The following IQCH variants were observed in gnomAD, a reference collection of about 807,000 sequenced individuals.
IQCH encodes IQ motif containing H.
In IQCH, 98 loss-of-function variants were observed where a neutral mutation model predicts 117.0. That is an observed-to-expected ratio of 0.84 (90% CI 0.71 to 0.99). The LOEUF (loss-of-function observed/expected upper bound fraction) is 0.99. IQCH is among the 50% of genes least tolerant of loss of function. The probability of loss-of-function intolerance (pLI) is 0.00; values close to 1 mark genes in which losing one functional copy is unlikely to be tolerated. For synonymous variants in IQCH, 412 were observed against 448.2 expected, an observed-to-expected ratio of 0.92 and a Z score of 1.02; for missense variants, 1,102 against 1,243.8, an observed-to-expected ratio of 0.89 and a Z score of 1.72.
At chr15:67,358,110 C>T (rs1415517470) in intron 7 of IQCH, among the ~76,000 whole-genome samples, 1 of 148,252 alleles carries the variant, frequency 6.7e-6, no homozygotes, top group Admixed American at 6.7e-5. Context: ...CCACCTGCCT[C>T]GGCCTCCCAA....
rs1970494766 is a variant in IQCH at position 67,370,664 on chromosome 15, C to T, written c.754-1447C>T. On this transcript the variant is annotated intron_variant, in intron 8 of 20. Coordinates refer to ENST00000335894, the MANE Select transcript of IQCH (RefSeq NM_001031715.3). This position sits in a 1 kb window ranked among gnomAD's most constrained non-coding sequence, Gnocchi z 5.6. ...AGTAGCTTGCATTCTCTTCTGGCAC[C>T]CTGATTAGATCAGAAAGGGATAGAA... Among the ~76,000 whole-genome samples the T allele has an allele frequency of 6.6e-6, 1 of 152,146 alleles. No homozygotes were observed. Among genetic ancestry groups the T allele is most frequent in the South Asian group, 2.1e-4 (1 of 4,818 alleles).
At chr15:67,487,433 C>CAT (rs935249495) in intron 18 of IQCH, among the ~76,000 whole-genome samples, 2 of 150,564 alleles carry the variant, frequency 1.3e-5, no homozygotes, top group Non-Finnish European at 3.0e-5. Flanking sequence ...AAGGAAAACA[C>CAT]ACACACACAC....
rs770562893 is a variant in IQCH, at chr15:67,494,313, A to G, written c.2917A>G (p.Ile973Val). ...CATGACCTTTGCTCGCCATCTCTTC[A>G]TCATCCATCAAGAAATATCAGCACC... ...VLMTFARHLF[I>V]IHQEISAPNM... The change falls in exon 20 of 21, where the codon ATC becomes GTC. Residue 973 changes from isoleucine to valine, a missense_variant. By Grantham distance (29) the Ile-to-Val change is conservative (BLOSUM62 3). Around this residue, in one of 2 missense-constraint regions of IQCH, gnomAD observed 650 missense variants for 794.3 expected, o/e 0.82. Coordinates refer to ENST00000335894, the MANE Select transcript of IQCH (RefSeq NM_001031715.3). This position sits in a 1 kb window ranked among gnomAD's most constrained non-coding sequence, Gnocchi z 5.5. 5.3e-5 allele frequency: 85 copies of G among 1,613,564 alleles called. No individual in the cohort carries two copies. Among genetic ancestry groups the G allele is most frequent in the Non-Finnish European group, 7.1e-5 (84 of 1,179,926 alleles).
chr15:67,272,116 C>A (rs1965922554), intron 3 of IQCH, among the ~76,000 whole-genome samples: 1 of 151,910 alleles, frequency 6.6e-6, no homozygotes, highest in South Asian at 2.1e-4. Flanking sequence ...TGTTGTATTT[C>A]CATTTTCATT....
At chr15:67,272,860 AT>A (rs1353297388) in intron 3 of IQCH, among the ~76,000 whole-genome samples, 1 of 152,024 alleles carries the variant, frequency 6.6e-6, no homozygotes, top group East Asian at 1.9e-4. Flanking sequence ...TGTTTCTTTT[AT>A]CCATTCAGCC....
At chr15:67,374,906 T>C (rs1279870926) in intron 10 of IQCH, among the ~76,000 whole-genome samples, 1 of 152,192 alleles carries the variant, frequency 6.6e-6, no homozygotes, top group African/African-American at 2.4e-5. Context: ...TGATATTATA[T>C]GGGAAATTTT....
rs1373424266 is a variant in IQCH, at chr15:67,370,107, G to A, written c.754-2004G>A. On this transcript the variant is annotated intron_variant, in intron 8 of 20. Transcript: ENST00000335894. This position sits in a 1 kb window ranked among gnomAD's most constrained non-coding sequence, Gnocchi z 5.6. ...GTCTAAAATACATTTGCTGATGTAC[G>A]TAAAAACCCTAGACCCACCCCATGG... Among the ~76,000 whole-genome samples, 1 of 152,162 alleles carries A rather than the reference G, an allele frequency of 6.6e-6. No individual in the cohort carries two copies. Among genetic ancestry groups the A allele is most frequent in the Non-Finnish European group, 1.5e-5 (1 of 68,034 alleles).
intron 8 of IQCH, among the ~76,000 whole-genome samples, chr15:67,367,384 C>G (rs1970370939): frequency 6.6e-6 from 1 of 151,856 alleles, no homozygotes; most frequent in Non-Finnish European, 1.5e-5. Flanking sequence ...AAAAAAATTA[C>G]AAAAATTAGA....
Position 67,496,747 on chromosome 15 carries a change from G to A in IQCH, c.2970+2381G>A, listed in dbSNP as rs529977950. 1.3e-5 allele frequency among the ~76,000 whole-genome samples: 2 copies of A among 152,020 alleles called. No homozygotes were observed. The highest frequency in any genetic ancestry group is 4.8e-5 in the African/African-American group (2 of 41,490). The stretch of plus-strand genomic sequence containing the variant: ...AAAAGTAAAAGTATCGGCCGGGCAC[G>A]GTGGCTCACGCCTGTAATCCCAGCA... On this transcript the variant is annotated intron_variant, in intron 20 of 20. Coordinates refer to ENST00000335894, the MANE Select transcript of IQCH (RefSeq NM_001031715.3). This position sits in a 1 kb window ranked among gnomAD's most constrained non-coding sequence, Gnocchi z 4.4.
chr15:67,268,469 T>G (rs897956081), intron 3 of IQCH, among the ~76,000 whole-genome samples: 2 of 152,228 alleles, frequency 1.3e-5, no homozygotes, highest in Non-Finnish European at 2.9e-5. Context: ...GCTCACACTG[T>G]TCTTAATGAC....
In IQCH at chr15:67,454,742, T is replaced by C. The variant is rs1478770529; in HGVS notation, c.2506-10385T>C. On this transcript the variant is annotated intron_variant, in intron 16 of 20. Transcript: ENST00000335894. This position sits in a 1 kb window ranked among gnomAD's most constrained non-coding sequence, Gnocchi z 5.2. ...GTAGCATATATCAATGCTTTGTTCC[T>C]TTTCATGGCTTAATAATATCCCATT... Among the ~76,000 whole-genome samples the C allele has an allele frequency of 1.3e-5, 2 of 152,356 alleles. No homozygotes were observed. The highest frequency in any genetic ancestry group is 1.9e-4 in the East Asian group (1 of 5,188).
intron 6 of IQCH, among the ~76,000 whole-genome samples, chr15:67,348,182 A>G (rs554794826): frequency 6.6e-6 from 1 of 152,310 alleles, no homozygotes; most frequent in East Asian, 1.9e-4. Context: ...TTCACCTAAG[A>G]TCAGGAACAA....
In IQCH at chr15:67,475,976, C is replaced by T. The variant is rs1370923426; in HGVS notation, c.2799+158C>T. On this transcript the variant is annotated intron_variant, in intron 18 of 20. Transcript: ENST00000335894. The surrounding 1 kb of genome is among the most constrained non-coding windows in gnomAD (Gnocchi z 5.7). Reference sequence around the variant, plus strand: ...ATTGCTGCTTGGGGAAGAGCAGATACGCAACTCCACAGAAAGTAGCACATA... The same window carrying T: ...ATTGCTGCTTGGGGAAGAGCAGATATGCAACTCCACAGAAAGTAGCACATA... Among the ~76,000 whole-genome samples the T allele has an allele frequency of 5.3e-5, 8 of 152,188 alleles. No individual in the cohort carries two copies. The highest frequency in any genetic ancestry group is 2.1e-4 in the South Asian group (1 of 4,834).
intron 4 of IQCH, among the ~76,000 whole-genome samples, chr15:67,287,408 C>A (rs1475061914): frequency 6.6e-6 from 1 of 152,020 alleles, no homozygotes; most frequent in Non-Finnish European, 1.5e-5. Flanking sequence ...CTGGGCTTTT[C>A]TTTGCTGGAA....
intron 18 of IQCH, among the ~76,000 whole-genome samples, chr15:67,488,656 C>T (rs964801227): frequency 1.1e-4 from 16 of 152,124 alleles, no homozygotes; most frequent in African/African-American, 3.9e-4. Flanking sequence ...TTTCCATGGA[C>T]GTGGAGGTGG....
chr15:67,458,664 ACCCATGGCT>A lies in IQCH; in HGVS notation c.2506-6462_2506-6454del. Among the ~76,000 whole-genome samples the A allele has an allele frequency of 6.6e-6, 1 of 152,226 alleles. No homozygotes were observed. Among genetic ancestry groups the A allele is most frequent in the East Asian group, 1.9e-4 (1 of 5,208 alleles). On this transcript the variant is annotated intron_variant, in intron 16 of 20. Coordinates refer to ENST00000335894, the MANE Select transcript of IQCH (RefSeq NM_001031715.3). This position sits in a 1 kb window ranked among gnomAD's most constrained non-coding sequence, Gnocchi z 4.1. ...AGTAAAACAGAGGGAACCATGGCCT[ACCCATGGCT>A]GTATTCTCTACCAACCAGAGGAGCT... is the stretch of plus-strand genomic sequence containing the variant.
Position 67,496,499 on chromosome 15 carries a change from C to T in IQCH, c.2970+2133C>T, listed in dbSNP as rs146184805. Among the ~76,000 whole-genome samples the T allele has an allele frequency of 2.8e-3, 426 of 152,216 alleles. No homozygotes were observed. Among genetic ancestry groups the T allele is most frequent in the Middle Eastern group, 6.8e-3 (2 of 294 alleles). ...AAGACAAGGGTGTCTGCTCTTGCCA[C>T]CTCTATTCATCATTGTACTGGAGTT... On this transcript the variant is annotated intron_variant, in intron 20 of 20. Transcript: ENST00000335894. The surrounding 1 kb of genome is among the most constrained non-coding windows in gnomAD (Gnocchi z 4.4).
chr15:67,488,652 T>C (rs1337028584), intron 18 of IQCH, among the ~76,000 whole-genome samples: 3 of 152,192 alleles, frequency 2.0e-5, no homozygotes, highest in African/African-American at 4.8e-5. Flanking sequence ...AATTTTTCCA[T>C]GGACGTGGAG....
At chr15:67,429,357 A>T (rs1230981849) in intron 16 of IQCH, among the ~76,000 whole-genome samples, 3 of 152,082 alleles carry the variant, frequency 2.0e-5, no homozygotes, top group African/African-American at 4.8e-5. Flanking sequence ...TCTACAAAAA[A>T]TTTTTTAAAA....
Sources: allele counts gnomAD v4.1 joint callset (sites outside exome capture counted in the v4.1 genomes callset), GRCh38; gene constraint gnomAD v4.1.1; regional missense constraint gnomAD v4.1.1; non-coding constraint Gnocchi (gnomAD v3.1); transcripts MANE v1.5; gene names NCBI Gene and HGNC (gene_info 2026-07-23, HGNC 2026-07-21).